Variants in APEX1 observed in about 807,000 individuals in gnomAD.
APEX1 encodes apurinic/apyrimidinic endodeoxyribonuclease 1, also known as DNA repair nuclease/redox regulator APEX1.
Under a neutral mutation model 33.2 loss-of-function variants are expected in APEX1, and 32 were observed. That is an observed-to-expected ratio of 0.96 (90% CI 0.73 to 1.29). The LOEUF is 1.29. Among genes scored for constraint, APEX1 ranks in the 50% most tolerant of loss-of-function variants. The pLI, the probability that APEX1 is intolerant of heterozygous loss-of-function variation, is 0.00. For missense variants in APEX1, 442 were observed against 395.6 expected, an observed-to-expected ratio of 1.12 and a Z score of -0.99; for synonymous variants, 175 against 156.6, an observed-to-expected ratio of 1.12 and a Z score of -0.88.
rs769003809 is a variant in APEX1 at position 20,457,055 on chromosome 14, A to G, written c.504A>G (p.Val168=). 27 of 1,614,086 alleles carry G rather than the reference A, an allele frequency of 1.7e-5. No homozygotes were observed. The highest frequency in any genetic ancestry group is 2.1e-5 in the Non-Finnish European group (25 of 1,180,034). Residue 168 remains valine (V), a synonymous_variant, in exon 5 of 5, where the codon GTA becomes GTG. Transcript: ENST00000216714. ...CTGAATTTGACTCGTTTGTGCTGGTAACAGCATATGTACCTAATGCAGGCC... is the reference window on the plus strand; with the variant it reads ...CTGAATTTGACTCGTTTGTGCTGGTGACAGCATATGTACCTAATGCAGGCC... ...IVAEFDSFVL[V]TAYVPNAGRG...
In APEX1 at chr14:20,456,094, G is replaced by C; in HGVS notation, c.239G>C (p.Gly80Ala). 6.2e-7 allele frequency: 1 copy of C among 1,614,192 alleles called. No homozygotes were observed. The highest frequency in any genetic ancestry group is 8.5e-7 in the Non-Finnish European group (1 of 1,179,992). Residue 80 changes from glycine to alanine, a missense_variant, in exon 3 of 5, where the codon GGA (glycine) becomes GCA (alanine). Gly to Ala is a moderately conservative substitution (Grantham distance 60, BLOSUM62 0). Coordinates refer to ENST00000216714, the MANE Select transcript of APEX1 (RefSeq NM_001641.4). ...CTTCGAGCCTGGATTAAGAAGAAAG[G>C]ATTAGATGTGAGTGGAATTTGAGGG... ...DGLRAWIKKK[G>A]LDWVKEEAPD...
chr14:20,455,538 C>T, intron 1 of APEX1, 40 bp from the exon 2 acceptor site: 1 of 1,585,590 alleles, frequency 6.3e-7, no homozygotes. Context: ...GAGTCTTCTC[C>T]CCAGCCTTAG....
At position 20,455,655 on chromosome 14, in the gene APEX1, C is replaced by A. The variant is rs1407145919; in HGVS notation, c.10C>A (p.Arg4Ser). The change falls in exon 2 of 5, where the codon CGT becomes AGT. Residue 4 changes from arginine to serine, a missense_variant. By Grantham distance (110) the Arg-to-Ser change is moderately radical. Coordinates refer to ENST00000216714, the MANE Select transcript of APEX1 (RefSeq NM_001641.4). MPK[R>S]GKKGAVAEDG... ...GGCGTTCGTAACGGGAATGCCGAAG[C>A]GTGGGAAAAAGGGAGCGGTGGCGGA... is the stretch of plus-strand genomic sequence containing the variant. 1.9e-6 allele frequency: 3 copies of A among 1,613,680 alleles called. No homozygotes were observed. The highest frequency in any genetic ancestry group is 1.7e-5 in the Admixed American group (1 of 60,022).
chr14:20,456,887 T>A (rs1246569261), intron 4 of APEX1, 27 bp downstream of exon 4: 5 of 1,610,096 alleles, frequency 3.1e-6, no homozygotes, highest in Non-Finnish European at 4.2e-6. Context: ...GCCTAATGCC[T>A]GAACTCTTCA....
At chr14:20,456,500 TTTTCA>T (rs1442282604) in intron 3 of APEX1, among the ~76,000 whole-genome samples, 163 bp from the exon 4 acceptor site, 1 of 152,242 alleles carries the variant, frequency 6.6e-6, no homozygotes, top group Non-Finnish European at 1.5e-5. Flanking sequence ...TCTATATTTG[TTTTCA>T]TTTATCTAGC....
chr14:20,456,916 C>G lies in APEX1; in HGVS notation c.439+56C>G, dbSNP rs973730306. 1.0e-5 allele frequency: 16 copies of G among 1,603,358 alleles called. No individual in the cohort carries two copies. In the African/African-American group the frequency reaches 1.6e-4, roughly 16 times the overall value. Reference sequence around the variant, plus strand: ...CTCTTCAAAACCAATTGCTAATTCTCTATCTCTGCCCCACCTCTTGATTGC... The same window carrying G: ...CTCTTCAAAACCAATTGCTAATTCTGTATCTCTGCCCCACCTCTTGATTGC... On this transcript the variant is annotated intron_variant, in intron 4 of 4. Coordinates refer to ENST00000216714, the MANE Select transcript of APEX1 (RefSeq NM_001641.4).
In APEX1 at chr14:20,456,843, A is replaced by C; in HGVS notation, c.422A>C (p.Lys141Thr). The change falls in exon 4 of 5, where the codon AAA (lysine) becomes ACA (threonine). Residue 141 changes from lysine (K) to threonine (T), a missense_variant. Coordinates refer to ENST00000216714, the MANE Select transcript of APEX1 (RefSeq NM_001641.4). ...VGLLSRQCPL[K>T]VSYGIGDEEH... ...CTGCTTTCCCGCCAGTGCCCACTCA[A>C]AGTTTCTTACGGCATAGGTGAGACC... 2 of 1,614,112 alleles carry C rather than the reference A, an allele frequency of 1.2e-6. No homozygotes were observed. Among genetic ancestry groups the C allele is most frequent in the Non-Finnish European group, 1.7e-6 (2 of 1,179,986 alleles).
rs2139309547 is a variant in APEX1, at chr14:20,457,438, G to A, written c.887G>A (p.Cys296Tyr). 1.2e-6 allele frequency: 2 copies of A among 1,614,208 alleles called. No homozygotes were observed. Among genetic ancestry groups the A allele is most frequent in the Non-Finnish European group, 1.7e-6 (2 of 1,180,032 alleles). Reference protein sequence around the residue: ...LLSHSLLPALCDSKIRSKALG... With the variant: ...LLSHSLLPALYDSKIRSKALG... ...TCCCACTCTCTGTTACCTGCATTGT[G>A]TGACAGCAAGATCCGTTCCAAGGCC... The change falls in exon 5 of 5, where the codon TGT (cysteine) becomes TAT (tyrosine). Residue 296 changes from cysteine (C) to tyrosine (Y), a missense_variant. Cys to Tyr is a radical substitution (Grantham distance 194). Coordinates refer to ENST00000216714, the MANE Select transcript of APEX1 (RefSeq NM_001641.4).
chr14:20,456,625 G>T, intron 3 of APEX1, 43 bp from the exon 4 acceptor site: 1 of 1,560,310 alleles, frequency 6.4e-7, no homozygotes, highest in Non-Finnish European at 8.8e-7. Flanking sequence ...TAAATGTTCT[G>T]CTGAATTGAT....
chr14:20,456,680 G>A lies in APEX1; in HGVS notation c.259G>A (p.Glu87Lys), dbSNP rs762384959. 2.5e-6 allele frequency: 4 copies of A among 1,614,034 alleles called. No individual in the cohort carries two copies. Among genetic ancestry groups the A allele is most frequent in the Non-Finnish European group, 3.4e-6 (4 of 1,179,996 alleles). ...KKKGLDWVKE[E>K]APDILCLQET... ...TTTTCACTTACAGTGGGTAAAGGAA[G>A]AAGCCCCAGATATACTGTGCCTTCA... The change falls in exon 4 of 5, where the codon GAA (glutamate) becomes AAA (lysine). Residue 87 changes from glutamate (E) to lysine (K), a missense_variant. Glu to Lys is a moderately conservative substitution (Grantham distance 56). Coordinates refer to ENST00000216714, the MANE Select transcript of APEX1 (RefSeq NM_001641.4).
In APEX1 at chr14:20,457,623, C is replaced by A; in HGVS notation, c.*115C>A. On this transcript the variant is annotated 3_prime_UTR_variant, in exon 5 of 5. Transcript: ENST00000216714. ...ATTTCTCATGTATAAAACTAGGAAT[C>A]CTCCAACCAGGCTCCTGTGATAGAG... 2 of 1,423,760 alleles carry A rather than the reference C, an allele frequency of 1.4e-6. No individual in the cohort carries two copies. Among genetic ancestry groups the A allele is most frequent in the Non-Finnish European group, 2.0e-6 (2 of 1,020,940 alleles). 88.2% of individuals were successfully genotyped at this position (1,423,760 alleles called of 1,614,324 possible).
At chr14:20,456,361 C>A (rs1277102006) in intron 3 of APEX1, among the ~76,000 whole-genome samples, 1 of 152,208 alleles carries the variant, frequency 6.6e-6, no homozygotes, top group African/African-American at 2.4e-5. Flanking sequence ...ATTTTATCTT[C>A]CTGCATTGCA....
chr14:20,457,156 G>C lies in APEX1; in HGVS notation c.605G>C (p.Arg202Pro). 1 of 1,614,164 alleles carries C rather than the reference G, an allele frequency of 6.2e-7. No individual in the cohort carries two copies. The highest frequency in any genetic ancestry group is 8.5e-7 in the Non-Finnish European group (1 of 1,180,030). ...FRKFLKGLASRKPLVLCGDLN... is the reference protein window; with the variant it reads ...FRKFLKGLASPKPLVLCGDLN... ...AAGTTCCTGAAGGGCCTGGCTTCCC[G>C]AAAGCCCCTTGTGCTGTGTGGAGAC... The change falls in exon 5 of 5, where the codon CGA (arginine) becomes CCA (proline). Residue 202 changes from arginine to proline, a missense_variant. Coordinates refer to ENST00000216714, the MANE Select transcript of APEX1 (RefSeq NM_001641.4).
At chr14:20,456,148 C>G (rs1881330940) in intron 3 of APEX1, 47 bp downstream of exon 3, 1 of 1,598,088 alleles carries the variant, frequency 6.3e-7, no homozygotes, top group African/African-American at 1.3e-5. Context: ...ATTGAATGGT[C>G]TTAGGGTTTA....
At position 20,457,472 on chromosome 14, in the gene APEX1, T is replaced by G; in HGVS notation, c.921T>G (p.Ser307Arg). Residue 307 changes from serine to arginine, a missense_variant, in exon 5 of 5, where the codon AGT (serine) becomes AGG (arginine). By Grantham distance (110) the Ser-to-Arg change is moderately radical (BLOSUM62 -1). Coordinates refer to ENST00000216714, the MANE Select transcript of APEX1 (RefSeq NM_001641.4). ...AGATCCGTTCCAAGGCCCTCGGCAG[T>G]GATCACTGTCCTATCACCCTATACC... is the stretch of plus-strand genomic sequence containing the variant. ...DSKIRSKALG[S>R]DHCPITLYLA... 1 of 1,614,222 alleles carries G rather than the reference T, an allele frequency of 6.2e-7. No individual in the cohort carries two copies. The highest frequency in any genetic ancestry group is 1.1e-5 in the South Asian group (1 of 91,090).
rs1881310395 is a variant in APEX1 at position 20,455,942 on chromosome 14, C to T, written c.87C>T (p.Ala29=). Residue 29 remains alanine (A), a synonymous_variant, in exon 3 of 5, where the codon GCC becomes GCT. Transcript: ENST00000216714. ...TEPEAKKSKT[A]AKKNDKEAAG... ...CAGAGGCCAAGAAGAGTAAGACGGC[C>T]GCAAAGAAAAATGACAAAGAGGCAG... 2.5e-6 allele frequency: 4 copies of T among 1,613,904 alleles called. No homozygotes were observed. Among genetic ancestry groups the T allele is most frequent in the African/African-American group, 2.7e-5 (2 of 74,852 alleles).
chr14:20,457,565 TCTTTA>T lies in APEX1; in HGVS notation c.*58_*62del, dbSNP rs1211308283. 1.9e-5 allele frequency: 30 copies of T among 1,577,088 alleles called. No homozygotes were observed. In the Middle Eastern group the frequency reaches 2.5e-3, roughly 131 times the overall value. ...ATAAGCCCCCTCAACTACCATTCCT[TCTTTA>T]AACACTCTTCAGAGAAATCTGCATT... On this transcript the variant is annotated 3_prime_UTR_variant, in exon 5 of 5. Transcript: ENST00000216714.
At position 20,457,133 on chromosome 14, in the gene APEX1, G is replaced by C. The variant is rs775543515; in HGVS notation, c.582G>C (p.Lys194Asn). The C allele has an allele frequency of 6.2e-7, 1 of 1,614,198 alleles. No homozygotes were observed. Among genetic ancestry groups the C allele is most frequent in the Non-Finnish European group, 8.5e-7 (1 of 1,180,044 alleles). Residue 194 changes from lysine (K) to asparagine (N), a missense_variant, in exon 5 of 5, where the codon AAG (lysine) becomes AAC (asparagine). Transcript: ENST00000216714. ...AGCGCTGGGATGAAGCCTTTCGCAAGTTCCTGAAGGGCCTGGCTTCCCGAA... is the reference window on the plus strand; with the variant it reads ...AGCGCTGGGATGAAGCCTTTCGCAACTTCCTGAAGGGCCTGGCTTCCCGAA... Reference protein sequence around the residue: ...YRQRWDEAFRKFLKGLASRKP... With the variant: ...YRQRWDEAFRNFLKGLASRKP...
chr14:20,457,556 A>C lies in APEX1; in HGVS notation c.*48A>C, dbSNP rs753786698. On this transcript the variant is annotated 3_prime_UTR_variant, in exon 5 of 5. Transcript: ENST00000216714. ...GCCTGGGAAATAAGCCCCCTCAACT[A>C]CCATTCCTTCTTTAAACACTCTTCA... The C allele has an allele frequency of 1.3e-6, 2 of 1,593,102 alleles. No individual in the cohort carries two copies. Among genetic ancestry groups the C allele is most frequent in the Non-Finnish European group, 1.7e-6 (2 of 1,165,748 alleles).
Sources: gnomAD v4.1 joint callset for allele counts (sites outside exome capture counted in the v4.1 genomes callset) on GRCh38, gnomAD v4.1.1 for gene constraint, MANE v1.5 for transcripts, NCBI Gene and HGNC (gene_info 2026-07-23, HGNC 2026-07-21) for gene names.